The following PDZD2 variants were observed in gnomAD, a reference collection of about 807,000 sequenced individuals.
PDZD2 encodes the protein PDZ domain containing 2, also known as PDZ domain-containing protein 2.
A neutral mutation model predicts 220.7 loss-of-function variants in PDZD2; 90 were observed. The observed-to-expected ratio is 0.41, with a 90% CI of 0.34 to 0.49. PDZD2 has a LOEUF of 0.49. Among genes scored for constraint, PDZD2 ranks in the 20% least tolerant of loss-of-function variants. The probability of loss-of-function intolerance (pLI) is 0.28; values close to 1 mark genes in which losing one functional copy is unlikely to be tolerated. For missense variants in PDZD2, 3,174 were observed against 3,608.5 expected (o/e 0.88, Z 3.08); for synonymous variants, 1,375 against 1,450.5 (o/e 0.95, Z 1.18).
At chr5:31,692,425 G>A (rs932049916) in intron 1 of PDZD2, among the ~76,000 whole-genome samples, 8 of 152,252 alleles carry the variant, frequency 5.3e-5, no homozygotes, top group Non-Finnish European at 8.8e-5. Flanking sequence ...GTGTAGCGGC[G>A]GGCTGAAGGG....
chr5:31,904,921 A>G (rs1422673740), intron 2 of PDZD2, among the ~76,000 whole-genome samples: 1 of 152,012 alleles, frequency 6.6e-6, no homozygotes, highest in Non-Finnish European at 1.5e-5. Flanking sequence ...AAATTATGCA[A>G]GTGAGTCTAC....
chr5:31,692,318 G>A (rs1580573620), intron 1 of PDZD2, among the ~76,000 whole-genome samples: 1 of 152,312 alleles, frequency 6.6e-6, no homozygotes, highest in Non-Finnish European at 1.5e-5. Flanking sequence ...AGCACCGGGC[G>A]CGGCCCCGGT....
chr5:32,088,600 T>A lies in PDZD2; in HGVS notation c.5152T>A (p.Phe1718Ile). ...NSPLSKVARH[F>I]HSPPIILSSP... is the part of the protein sequence containing the mutation. ...TCCGCTGTCTAAAGTAGCCAGGCAT[T>A]TTCACAGTCCGCCCATCATTCTCAG... Residue 1718 changes from phenylalanine (F) to isoleucine (I), a missense_variant, in exon 20 of 25, where the codon TTT becomes ATT. Physicochemically the swap from Phe to Ile is conservative, Grantham distance 21 (BLOSUM62 0). Coordinates refer to ENST00000438447, the MANE Select transcript of PDZD2 (RefSeq NM_178140.4). The surrounding 1 kb of genome is among the most constrained non-coding windows in gnomAD (Gnocchi z 4.6). The A allele has an allele frequency of 6.2e-7, 1 of 1,614,132 alleles. No individual in the cohort carries two copies. Among genetic ancestry groups the A allele is most frequent in the Non-Finnish European group, 8.5e-7 (1 of 1,180,024 alleles).
intron 2 of PDZD2, among the ~76,000 whole-genome samples, chr5:31,937,036 C>A (rs1745803778): frequency 6.6e-6 from 1 of 152,132 alleles, no homozygotes; most frequent in Non-Finnish European, 1.5e-5. Context: ...ATGGGGAGGA[C>A]CATGGGTGGC....
chr5:31,977,365 A>G (rs1483972407), intron 2 of PDZD2, among the ~76,000 whole-genome samples: 2 of 152,204 alleles, frequency 1.3e-5, no homozygotes, highest in Non-Finnish European at 2.9e-5. Flanking sequence ...CTCTTTTAAT[A>G]GAATCCCGGC....
intron 1 of PDZD2, among the ~76,000 whole-genome samples, chr5:31,774,766 A>G (rs1036968870): frequency 1.3e-5 from 2 of 152,176 alleles, no homozygotes; most frequent in Non-Finnish European, 2.9e-5. Flanking sequence ...CTTACCACCC[A>G]GAATGAAAAC....
intron 6 of PDZD2, among the ~76,000 whole-genome samples, chr5:32,027,509 C>G (rs1754762517): frequency 1.3e-5 from 2 of 152,188 alleles, no homozygotes; most frequent in Admixed American, 1.3e-4. Context: ...TGCGGAGCCA[C>G]AGCCTGAGCG....
In PDZD2 at chr5:31,714,704, G is replaced by C. The variant is rs193031576; in HGVS notation, c.-361+75267G>C. On this transcript the variant is annotated intron_variant, in intron 1 of 24. Coordinates refer to ENST00000438447, the MANE Select transcript of PDZD2 (RefSeq NM_178140.4). ...GAGTTCATCTGTTTGGGCATATAAA[G>C]TCCCTAGAGACAAATGTGAAGAAAC... Among the ~76,000 whole-genome samples, 13 of 152,262 alleles carry C rather than the reference G, an allele frequency of 8.5e-5. No individual in the cohort carries two copies. The East Asian group carries it at 1.9e-3, about 23-fold the overall frequency.
chr5:31,919,345 C>T (rs1743975093), intron 2 of PDZD2, among the ~76,000 whole-genome samples: 1 of 139,446 alleles, frequency 7.2e-6, no homozygotes, highest in Admixed American at 7.9e-5. Context: ...TTAACTGAAG[C>T]TCATTGTCTT....
chr5:31,644,307 T>C (rs1745052816), intron 1 of PDZD2, among the ~76,000 whole-genome samples: 1 of 152,136 alleles, frequency 6.6e-6, no homozygotes, highest in South Asian at 2.1e-4. Flanking sequence ...ACTTTAGAAA[T>C]AGAGAAAAGA....
chr5:31,800,981 C>T (rs1754357663), intron 2 of PDZD2, among the ~76,000 whole-genome samples: 1 of 152,174 alleles, frequency 6.6e-6, no homozygotes, highest in Non-Finnish European at 1.5e-5. Flanking sequence ...AGTGTCAGAG[C>T]CTCCCATCAG....
intron 7 of PDZD2, among the ~76,000 whole-genome samples, chr5:32,039,725 A>G (rs1015695116): frequency 1.5e-5 from 2 of 134,518 alleles, no homozygotes; most frequent in Non-Finnish European, 1.5e-5. Context: ...CCCGTCTGGG[A>G]AGTGAGGAGT....
At chr5:31,644,647 C>T (rs1183887111) in intron 1 of PDZD2, among the ~76,000 whole-genome samples, 3 of 152,198 alleles carry the variant, frequency 2.0e-5, no homozygotes, top group African/African-American at 2.4e-5. Flanking sequence ...AGTGTGTTCA[C>T]CCCACACTCT....
At chr5:31,794,441 C>T (rs1434091161) in intron 1 of PDZD2, among the ~76,000 whole-genome samples, 1 of 145,190 alleles carries the variant, frequency 6.9e-6, no homozygotes, top group Non-Finnish European at 1.5e-5. Context: ...TGCTCTGTCG[C>T]CCAGGCTGGA....
At chr5:31,962,683 C>T (rs187823516) in intron 2 of PDZD2, among the ~76,000 whole-genome samples, 83 of 152,284 alleles carry the variant, frequency 5.5e-4, no homozygotes, top group South Asian at 1.5e-3. Flanking sequence ...GTGGTTTGCA[C>T]CCCAGCCTGG....
At chr5:32,010,790 G>A in intron 6 of PDZD2, 3 of 396,222 alleles carry the variant, frequency 7.6e-6, no homozygotes, top group South Asian at 5.7e-5. Flanking sequence ...GAGGTCAGGA[G>A]TTCAAGACCA....
intron 12 of PDZD2, among the ~76,000 whole-genome samples, chr5:32,058,391 A>G (rs1739314574): frequency 6.6e-6 from 1 of 151,238 alleles, no homozygotes; most frequent in South Asian, 2.1e-4. Flanking sequence ...ATCACTGGCC[A>G]GGCACAGTGG....
chr5:32,019,753 A>C (rs186991910), intron 6 of PDZD2, among the ~76,000 whole-genome samples: 1 of 152,298 alleles, frequency 6.6e-6, no homozygotes, highest in Non-Finnish European at 1.5e-5. Context: ...TTCAGATTTC[A>C]ATGAAAATAA....
intron 1 of PDZD2, among the ~76,000 whole-genome samples, chr5:31,751,417 AT>A (rs913647849): frequency 2.0e-5 from 3 of 152,110 alleles, no homozygotes; most frequent in African/African-American, 7.2e-5. Flanking sequence ...GATGACAGCA[AT>A]GAAGCCAATG....
Sources: allele counts gnomAD v4.1 joint callset (sites outside exome capture counted in the v4.1 genomes callset), GRCh38; gene constraint gnomAD v4.1.1; non-coding constraint Gnocchi (gnomAD v3.1); transcripts MANE v1.5; gene names NCBI Gene and HGNC (gene_info 2026-07-23, HGNC 2026-07-21).